HMGCLL1: variants seen among roughly 807,000 people sequenced by gnomAD.
HMGCLL1 encodes 3-hydroxymethyl-3-methylglutaryl-CoA lyase, cytoplasmic.
A neutral mutation model predicts 39.1 loss-of-function variants in HMGCLL1; 36 were observed. The observed-to-expected ratio is 0.92, with a 90% CI of 0.71 to 1.22. The LOEUF is 1.22. Among genes scored for constraint, HMGCLL1 ranks in the 50% most tolerant of loss-of-function variants. HMGCLL1 has a pLI of 0.00. For synonymous variants in HMGCLL1, 149 were observed against 144.0 expected, an observed-to-expected ratio of 1.03 and a Z score of -0.25; for missense variants, 451 against 416.5, an observed-to-expected ratio of 1.08 and a Z score of -0.72.
intron 1 of HMGCLL1, among the ~76,000 whole-genome samples, chr6:55,575,209 T>A (rs545553088): frequency 2.4e-4 from 37 of 152,152 alleles, no homozygotes; most frequent in Admixed American, 4.6e-4. Context: ...AATTACAGAA[T>A]GAGCAATTTC....
chr6:55,553,985 T>A (rs1434106697), intron 1 of HMGCLL1, among the ~76,000 whole-genome samples: 1 of 152,044 alleles, frequency 6.6e-6, no homozygotes, highest in African/African-American at 2.4e-5. Flanking sequence ...GCTGACAACA[T>A]CAACTCCACC....
chr6:55,496,218 C>T lies in HMGCLL1; in HGVS notation c.607-611G>A, dbSNP rs1766568527. Among the ~76,000 whole-genome samples, 2 of 151,194 alleles carry T rather than the reference C, an allele frequency of 1.3e-5. 1 individual carries two copies. The highest frequency in any genetic ancestry group is 4.2e-4 in the South Asian group (2 of 4,782). On this transcript the variant is annotated intron_variant, in intron 6 of 8. Transcript: ENST00000274901. ...GACAAATCCCATAGCATAGAAATGT[C>T]AAAAAAGAAAAAGGTATGTCATGAC...
the HMGCLL1 span, among the ~76,000 whole-genome samples, chr6:55,591,785 T>C: frequency 2.0e-5 from 3 of 151,864 alleles, no homozygotes; most frequent in African/African-American, 4.8e-5. Flanking sequence ...ATTAAAATGA[T>C]TGAATAATGG....
the HMGCLL1 span, among the ~76,000 whole-genome samples, chr6:55,647,695 AT>A: frequency 2.5e-4 from 34 of 134,362 alleles, no homozygotes; most frequent in Admixed American, 2.5e-3. Flanking sequence ...CTTTAATTTT[AT>A]TCCCCCATTT....
At chr6:55,649,632 T>A in the HMGCLL1 span, among the ~76,000 whole-genome samples, 2 of 152,000 alleles carry the variant, frequency 1.3e-5, no homozygotes, top group African/African-American at 4.8e-5. Context: ...TCTCAAGGCC[T>A]GGAAAGTTGT....
At chr6:55,558,505 G>A (rs533560831) in intron 1 of HMGCLL1, among the ~76,000 whole-genome samples, 20 of 152,192 alleles carry the variant, frequency 1.3e-4, no homozygotes, top group African/African-American at 4.6e-4. Flanking sequence ...AAAGAATACA[G>A]ACTTAATGAT....
the HMGCLL1 span, among the ~76,000 whole-genome samples, chr6:55,598,952 T>C: frequency 2.0e-5 from 3 of 152,332 alleles, no homozygotes; most frequent in Non-Finnish European, 4.4e-5. Flanking sequence ...GATGAGTTCA[T>C]GTTCTTTTCA....
intron 3 of HMGCLL1, among the ~76,000 whole-genome samples, chr6:55,538,268 T>C (rs1021764057): frequency 1.3e-5 from 2 of 152,192 alleles, no homozygotes; most frequent in African/African-American, 4.8e-5. Context: ...AGTTTGTACC[T>C]GAAATATAAC....
At chr6:55,525,585 G>T (rs904500590) in intron 3 of HMGCLL1, among the ~76,000 whole-genome samples, 1 of 151,890 alleles carries the variant, frequency 6.6e-6, no homozygotes, top group Non-Finnish European at 1.5e-5. Flanking sequence ...AAGTGGAACC[G>T]ACTCAGTATG....
chr6:55,467,559 G>A (rs1376067874), intron 7 of HMGCLL1, among the ~76,000 whole-genome samples: 1 of 151,982 alleles, frequency 6.6e-6, no homozygotes, highest in Non-Finnish European at 1.5e-5. Flanking sequence ...AAGACTCCCA[G>A]CATATACCCT....
At chr6:55,579,383 TG>T (rs1771930539), upstream of HMGCLL1, among the ~76,000 whole-genome samples, 1 of 152,164 alleles carries the variant, frequency 6.6e-6, no homozygotes, top group South Asian at 2.1e-4. Flanking sequence ...CAGGGCTGAC[TG>T]TATCTTAACG....
the HMGCLL1 span, among the ~76,000 whole-genome samples, chr6:55,671,063 G>A: frequency 6.6e-6 from 1 of 151,594 alleles, no homozygotes; most frequent in African/African-American, 2.4e-5. Context: ...ATGATAAAAG[G>A]GTCCATTTTA....
At chr6:55,630,045 C>T in the HMGCLL1 span, among the ~76,000 whole-genome samples, 1 of 152,138 alleles carries the variant, frequency 6.6e-6, no homozygotes, top group African/African-American at 2.4e-5. Context: ...AGGCAACTGT[C>T]CCCCAGACCA....
At chr6:55,498,829 T>C (rs888402228) in intron 6 of HMGCLL1, among the ~76,000 whole-genome samples, 1 of 152,114 alleles carries the variant, frequency 6.6e-6, no homozygotes, top group Admixed American at 6.6e-5. Flanking sequence ...TATATTCTGA[T>C]ATAACGGGCC....
chr6:55,485,607 T>C (rs1344959305), intron 7 of HMGCLL1, among the ~76,000 whole-genome samples: 2 of 151,878 alleles, frequency 1.3e-5, no homozygotes, highest in Non-Finnish European at 2.9e-5. Flanking sequence ...TTAAAATTTG[T>C]GAGGAAAAAA....
chr6:55,496,786 T>C (rs1187474458), intron 6 of HMGCLL1, among the ~76,000 whole-genome samples: 1 of 152,142 alleles, frequency 6.6e-6, no homozygotes, highest in Admixed American at 6.6e-5. Flanking sequence ...GCCCACCATT[T>C]CAAGATAACG....
At chr6:55,484,061 G>A (rs1344627096) in intron 7 of HMGCLL1, among the ~76,000 whole-genome samples, 1 of 152,112 alleles carries the variant, frequency 6.6e-6, no homozygotes, top group African/African-American at 2.4e-5. Context: ...GTCCAGTTGG[G>A]TTAAATATTT....
chr6:55,667,368 C>T, the HMGCLL1 span, among the ~76,000 whole-genome samples: 2 of 151,710 alleles, frequency 1.3e-5, no homozygotes, highest in Non-Finnish European at 1.5e-5. Context: ...GTACTATGTA[C>T]CAGGGTTTAC....
At chr6:55,632,318 A>G in the HMGCLL1 span, among the ~76,000 whole-genome samples, 4 of 151,808 alleles carry the variant, frequency 2.6e-5, no homozygotes, top group Non-Finnish European at 5.9e-5. Flanking sequence ...GAGGAAATGG[A>G]GAATAATACA....
Sources: gnomAD v4.1 joint callset for allele counts (sites outside exome capture counted in the v4.1 genomes callset) on GRCh38, gnomAD v4.1.1 for gene constraint, MANE v1.5 for transcripts, NCBI Gene and HGNC (gene_info 2026-07-23, HGNC 2026-07-21) for gene names.